Variants in CLCNKB observed in about 807,000 individuals in gnomAD.
The protein encoded by CLCNKB is chloride channel protein ClC-Kb.
CLCNKB carries 74 observed loss-of-function variants against 83.8 expected under a neutral mutation model. The ratio of observed to expected loss-of-function variants is 0.88; its 90% confidence interval spans 0.73 to 1.07. CLCNKB has a LOEUF of 1.07. Among genes scored for constraint, CLCNKB ranks in the 50% least tolerant of loss-of-function variants. CLCNKB has a pLI of 0.00. For synonymous variants in CLCNKB, 358 were observed against 356.6 expected (o/e 1.00, Z -0.04); for missense variants, 798 against 893.6 (o/e 0.89, Z 1.36).
chr1:16,048,914 A>T, intron 7 of CLCNKB: 1 of 1,452,954 alleles, frequency 6.9e-7, no homozygotes, highest in Non-Finnish European at 9.0e-7. Context: ...GAGGGCGCAC[A>T]CCCGCATTCC....
chr1:16,053,099 C>T (rs2023343109), intron 15 of CLCNKB, among the ~76,000 whole-genome samples: 1 of 151,752 alleles, frequency 6.6e-6, no homozygotes, highest in Non-Finnish European at 1.5e-5. Flanking sequence ...GGCACAATCT[C>T]AGTCACTGCA....
intron 11 of CLCNKB, 27 bp downstream of exon 11, chr1:16,050,627 G>A (rs1174064611): frequency 6.2e-7 from 1 of 1,607,832 alleles, no homozygotes; most frequent in African/African-American, 1.3e-5. Flanking sequence ...GGGGTGGCAG[G>A]AGTGGGGAAG....
chr1:16,054,117 T>C (rs1435768315), intron 16 of CLCNKB, among the ~76,000 whole-genome samples: 1 of 152,098 alleles, frequency 6.6e-6, no homozygotes, highest in Non-Finnish European at 1.5e-5. Flanking sequence ...AGTCCCCTCC[T>C]CCAAATCCTT....
chr1:16,050,486 C>T, intron 10 of CLCNKB, 30 bp from the exon 11 acceptor site: 1 of 1,610,846 alleles, frequency 6.2e-7, no homozygotes, highest in Non-Finnish European at 8.5e-7. Flanking sequence ...AAAGGGAGGG[C>T]CAGCCCTAGA....
At chr1:16,045,898 G>A (rs1458136702) in intron 3 of CLCNKB, among the ~76,000 whole-genome samples, 1 of 152,176 alleles carries the variant, frequency 6.6e-6, no homozygotes, top group East Asian at 1.9e-4. Flanking sequence ...AAGGGAGAGA[G>A]GCCTGAATGT....
chr1:16,053,754 C>T lies in CLCNKB; in HGVS notation c.1738C>T (p.Pro580Ser), dbSNP rs910445039. ...VVTSTDVAKY[P>S]LVESTESQIL... is the part of the protein sequence containing the mutation. ...GACCTCCACAGACGTGGCCAAGTAT[C>T]CCCTGGTGGAGAGCACAGGTGCCCA... Residue 580 changes from proline to serine, a missense_variant, in exon 16 of 20, where the codon CCC (proline) becomes TCC (serine). Coordinates refer to ENST00000375679, the MANE Select transcript of CLCNKB (RefSeq NM_000085.5). The T allele has an allele frequency of 3.7e-6, 6 of 1,613,782 alleles. No individual in the cohort carries two copies. The highest frequency in any genetic ancestry group is 5.1e-6 in the Non-Finnish European group (6 of 1,179,954).
rs200856324 is a variant in CLCNKB, at chr1:16,049,204, C to T, written c.740C>T (p.Ala247Val). ...WRGFFAATCG[A>V]FMFRLLAVFN... ...GGCTTCTTTGCGGCCACCTGCGGGG[C>T]CTTCATGTTCCGGCTCCTGGCGGTC... The change falls in exon 8 of 20, where the codon GCC becomes GTC. Residue 247 changes from alanine (A) to valine (V), a missense_variant. Transcript: ENST00000375679. 15 of 1,613,612 alleles carry T rather than the reference C, an allele frequency of 9.3e-6. No individual in the cohort carries two copies. Among genetic ancestry groups the T allele is most frequent in the Non-Finnish European group, 1.3e-5 (15 of 1,179,992 alleles).
At chr1:16,056,351 G>GT in intron 18 of CLCNKB, 71 bp from the exon 19 acceptor site, 1 of 1,464,450 alleles carries the variant, frequency 6.8e-7, no homozygotes, top group Non-Finnish European at 9.6e-7. Context: ...GCTCAGAGGC[G>GT]TGGTGGAGTG....
chr1:16,052,531 C>T, intron 15 of CLCNKB, 120 bp downstream of exon 15: 1 of 1,074,266 alleles, frequency 9.3e-7, no homozygotes, highest in Non-Finnish European at 1.3e-6. Context: ...GGGGCTGACA[C>T]ACAGCTGTGC....
chr1:16,049,713 G>A lies in CLCNKB; in HGVS notation c.866+11G>A, dbSNP rs1188180828. On this transcript the variant is annotated intron_variant, in intron 9 of 19. Transcript: ENST00000375679. ...TTTTGTGGCGCTGGGGTGAGTGGGT[G>A]CCTTGGGCCCCTGAGAGTCCAAAAG... 1 of 1,599,836 alleles carries A rather than the reference G, an allele frequency of 6.3e-7. No individual in the cohort carries two copies. Among genetic ancestry groups the A allele is most frequent in the Middle Eastern group, 1.7e-4 (1 of 6,020 alleles).
At position 16,049,251 on chromosome 1, in the gene CLCNKB, C is replaced by T; in HGVS notation, c.781+6C>T. 1.9e-6 allele frequency: 3 copies of T among 1,613,428 alleles called. No individual in the cohort carries two copies. The highest frequency in any genetic ancestry group is 1.7e-6 in the Non-Finnish European group (2 of 1,179,838). On this transcript the variant is annotated splice_donor_region_variant and intron_variant, in intron 8 of 19. Coordinates refer to ENST00000375679, the MANE Select transcript of CLCNKB (RefSeq NM_000085.5). The stretch of plus-strand genomic sequence containing the variant: ...GGTCTTCAACAGCGAGCAGGGTGAG[C>T]CCCCTGGGCTGCCTGACCCTGGCCC...
chr1:16,053,688 C>T lies in CLCNKB; in HGVS notation c.1672C>T (p.Leu558=). ...CTTCATGAACCACAGCATCACCACA[C>T]TGGCCAAGGACATGCCACTGGAGGA... ...EHFMNHSITT[L]AKDMPLEEVV... is the part of the protein sequence containing the mutation. Residue 558 remains leucine (L), a synonymous_variant, in exon 16 of 20, where the codon CTG becomes TTG. Transcript: ENST00000375679. 6.2e-7 allele frequency: 1 copy of T among 1,613,974 alleles called. No individual in the cohort carries two copies. The highest frequency in any genetic ancestry group is 1.1e-5 in the South Asian group (1 of 91,074).
At position 16,056,658 on chromosome 1, in the gene CLCNKB, A is replaced by T; in HGVS notation, c.2016+150A>T. The T allele has an allele frequency of 2.8e-6, 3 of 1,066,362 alleles. No homozygotes were observed. The African/African-American group carries it at 4.7e-5, about 17-fold the overall frequency. 66.1% of individuals were successfully genotyped at this position (1,066,362 alleles called of 1,614,324 possible). On this transcript the variant is annotated intron_variant, in intron 19 of 19. Coordinates refer to ENST00000375679, the MANE Select transcript of CLCNKB (RefSeq NM_000085.5). ...ACTGATGAGTCCCTCTTCTTGGCCC[A>T]GATTGGCCACTGGGCCTGGCTCCCC... is the stretch of plus-strand genomic sequence containing the variant.
At position 16,051,834 on chromosome 1, in the gene CLCNKB, G is replaced by A. The variant is rs1301611810; in HGVS notation, c.1408+14G>A. The A allele has an allele frequency of 1.3e-6, 2 of 1,597,646 alleles. No individual in the cohort carries two copies. Among genetic ancestry groups the A allele is most frequent in the South Asian group, 1.1e-5 (1 of 90,770 alleles). ...ATGCTCTGGCAGGTGAGTGGGTCAG[G>A]GGCCTGCTGCGTGGGCAATGTCGTG... On this transcript the variant is annotated intron_variant, in intron 14 of 19. Transcript: ENST00000375679.
In CLCNKB at chr1:16,046,574, T is replaced by C. The variant is rs1412789654; in HGVS notation, c.269T>C (p.Leu90Pro). Residue 90 changes from leucine to proline, a missense_variant, in exon 4 of 20, where the codon CTG (leucine) becomes CCG (proline). Leu to Pro is a moderately conservative substitution (Grantham distance 98). Transcript: ENST00000375679. ...TACAGGGAGATTGGGGACAGCCACC[T>C]GCTCCGGTATCTCTCCTGGACTGTG... ...WLYREIGDSH[L>P]LRYLSWTVYP... 2 of 1,614,166 alleles carry C rather than the reference T, an allele frequency of 1.2e-6. No homozygotes were observed. Among genetic ancestry groups the C allele is most frequent in the Admixed American group, 3.3e-5 (2 of 60,030 alleles).
chr1:16,049,238 C>A lies in CLCNKB; in HGVS notation c.774C>A (p.Ser258Arg), dbSNP rs1200797674. Residue 258 changes from serine to arginine, a missense_variant, in exon 8 of 20, where the codon AGC (serine) becomes AGA (arginine). By Grantham distance (110) the Ser-to-Arg change is moderately radical. Coordinates refer to ENST00000375679, the MANE Select transcript of CLCNKB (RefSeq NM_000085.5). ...FMFRLLAVFN[S>R]EQETITSLYK... is the part of the protein sequence containing the mutation. ...TCCGGCTCCTGGCGGTCTTCAACAG[C>A]GAGCAGGGTGAGCCCCCTGGGCTGC... 6 of 1,613,790 alleles carry A rather than the reference C, an allele frequency of 3.7e-6. No homozygotes were observed. Among genetic ancestry groups the A allele is most frequent in the Non-Finnish European group, 4.2e-6 (5 of 1,179,940 alleles).
intron 15 of CLCNKB, among the ~76,000 whole-genome samples, chr1:16,053,289 A>G (rs1389877282): frequency 6.6e-6 from 1 of 152,092 alleles, no homozygotes; most frequent in African/African-American, 2.4e-5. Context: ...TGGCCTCCCA[A>G]AGTGCTGGGA....
intron 3 of CLCNKB, among the ~76,000 whole-genome samples, chr1:16,046,276 G>A (rs1264985368): frequency 6.6e-6 from 1 of 152,240 alleles, no homozygotes; most frequent in African/African-American, 2.4e-5. Flanking sequence ...CCCATCACGA[G>A]CCCACTTGGC....
rs375415291 is a variant in CLCNKB, at chr1:16,053,909, T to A, written c.1756+137T>A. 244 of 1,151,526 alleles carry A rather than the reference T, an allele frequency of 2.1e-4. 7 individuals are homozygous for A. The highest frequency in any genetic ancestry group is 1.8e-3 in the East Asian group (71 of 39,292). The allele number at this position is 1,151,526 out of a possible 1,614,324, so 71.3% of individuals were successfully genotyped here. A position where few individuals can be genotyped will look rare whatever the true frequency, so the allele number is the denominator to read the frequency against. ...ACCGTGTGACCTTGGGCAAGTCACA[T>A]CACCTGAGCCTCAGTTTCCTCATCA... On this transcript the variant is annotated intron_variant, in intron 16 of 19. Transcript: ENST00000375679.
Sources: allele counts gnomAD v4.1 joint callset (sites outside exome capture counted in the v4.1 genomes callset), GRCh38; gene constraint gnomAD v4.1.1; transcripts MANE v1.5; gene names NCBI Gene and HGNC (gene_info 2026-07-23, HGNC 2026-07-21).